Variants in DST observed in about 807,000 individuals in gnomAD.
DST encodes bullous pemphigoid antigen.
In DST, 253 loss-of-function variants were observed where a neutral mutation model predicts 875.2. The ratio of observed to expected loss-of-function variants is 0.29; its 90% CI spans 0.26 to 0.32. DST has a LOEUF of 0.32. Among genes scored for constraint, DST ranks in the 10% least tolerant of loss-of-function variants. The probability of loss-of-function intolerance (pLI) is 1.00; values close to 1 mark genes in which losing one functional copy is unlikely to be tolerated. For missense variants in DST, 8,287 were observed against 9,111.6 expected (o/e 0.91, Z 3.68); for synonymous variants, 3,124 against 3,197.1 (o/e 0.98, Z 0.77).
chr6:56,916,778 TCACACACACACACACA>T (rs70989742), intron 2 of DST, among the ~76,000 whole-genome samples: 8 of 91,344 alleles, frequency 8.8e-5, no homozygotes, highest in Non-Finnish European at 1.4e-4. Flanking sequence ...TCTCTCTCTC[TCACACACACACACACA>T]CACACACACA....
chr6:56,594,192 G>A lies in DST; in HGVS notation c.12197C>T (p.Ala4066Val), dbSNP rs752432178. The A allele has an allele frequency of 1.3e-6, 2 of 1,513,170 alleles. No homozygotes were observed. The highest frequency in any genetic ancestry group is 4.5e-5 in the East Asian group (2 of 44,094). The allele number at this position is 1,513,170 out of a possible 1,614,324, so 93.7% of individuals were successfully genotyped here. ...CTGAGAGATGATCTTCTCGTGTTGG[G>A]CCTATGTGAAAACAAATTGATCATA... ...NLNQQYQKVK[A>V]QHEKIISQHQ... The change falls in exon 48 of 104, where the codon GCC becomes GTC. Residue 4066 changes from alanine to valine, a missense_variant and splice_region_variant. Physicochemically the swap from Ala to Val is moderately conservative, Grantham distance 64. Around this residue, in one of 10 missense-constraint regions of DST, gnomAD observed 1,513 missense variants for 1,677.8 expected, o/e 0.90. Transcript: ENST00000680361.
At chr6:56,766,530 T>C (rs2099633809) in intron 4 of DST, among the ~76,000 whole-genome samples, 1 of 151,992 alleles carries the variant, frequency 6.6e-6, no homozygotes, top group African/African-American at 2.4e-5. Flanking sequence ...GGTATCTTTT[T>C]TTTTTTTTTT....
intron 10 of DST, among the ~76,000 whole-genome samples, chr6:56,662,567 T>C (rs975696456): frequency 2.0e-5 from 3 of 152,204 alleles, no homozygotes; most frequent in Non-Finnish European, 2.9e-5. Context: ...CTTCCTACCG[T>C]GGCTGTGTCA....
At chr6:56,471,944 A>C in intron 94 of DST, 115 bp downstream of exon 94, 1 of 1,031,222 alleles carries the variant, frequency 9.7e-7, no homozygotes, top group South Asian at 1.3e-5. Flanking sequence ...CTCAAATAGC[A>C]AGAGTTTGCT....
chr6:56,758,310 C>T (rs2099609106), intron 4 of DST, among the ~76,000 whole-genome samples: 1 of 152,090 alleles, frequency 6.6e-6, no homozygotes, highest in African/African-American at 2.4e-5. Flanking sequence ...GAATACAGTG[C>T]CTTTTTTTGT....
rs532258101 is a variant in DST at position 56,797,184 on chromosome 6, T to C, written c.625+54213A>G. ...CTTTAAGGTTACTCTTTAAATTCTTTTGGGGCACCACAAGCCACAACCATA... is the reference window on the plus strand; with the variant it reads ...CTTTAAGGTTACTCTTTAAATTCTTCTGGGGCACCACAAGCCACAACCATA... On this transcript the variant is annotated intron_variant, in intron 4 of 103. Transcript: ENST00000680361. Among the ~76,000 whole-genome samples the C allele has an allele frequency of 3.3e-5, 5 of 152,302 alleles. No individual in the cohort carries two copies. The East Asian group carries it at 7.7e-4, about 24-fold the overall frequency.
Position 56,616,348 on chromosome 6 carries a change from T to C in DST, c.4930-1864A>G, listed in dbSNP as rs2098620303. On this transcript the variant is annotated intron_variant, in intron 36 of 103. Transcript: ENST00000680361. ...AAAACATAGCTTCCTTCCACTGATA[T>C]TGCTGCCCTGAAAGTTCAAGATATA... The C allele has an allele frequency of 5.6e-6, 9 of 1,613,756 alleles. No homozygotes were observed. Among genetic ancestry groups the C allele is most frequent in the Admixed American group, 3.3e-5 (2 of 60,016 alleles).
At chr6:56,767,530 T>C (rs546617355) in intron 4 of DST, among the ~76,000 whole-genome samples, 166 of 152,088 alleles carry the variant, frequency 1.1e-3, no homozygotes, top group Non-Finnish European at 2.1e-3. Context: ...GATACGAGAA[T>C]TGCTTGAACC....
intron 9 of DST, among the ~76,000 whole-genome samples, chr6:56,697,490 C>T (rs1418466619): frequency 6.6e-6 from 1 of 152,170 alleles, no homozygotes; most frequent in Non-Finnish European, 1.5e-5. Flanking sequence ...AGCACAGGTC[C>T]TGTCACCGAA....
chr6:56,573,249 G>C (rs770020409), intron 51 of DST, among the ~76,000 whole-genome samples, 185 bp from the exon 52 acceptor site: 2 of 152,198 alleles, frequency 1.3e-5, no homozygotes, highest in Non-Finnish European at 2.9e-5. Flanking sequence ...ATCTCTCTGA[G>C]AGAGTGAAGA....
At chr6:56,487,964 C>A (rs1360502492) in intron 86 of DST, among the ~76,000 whole-genome samples, 1 of 152,140 alleles carries the variant, frequency 6.6e-6, no homozygotes, top group Non-Finnish European at 1.5e-5. Flanking sequence ...AAAATAATCT[C>A]AAGGTTATAA....
rs577309476 is a variant in DST at position 56,552,881 on chromosome 6, G to A, written c.15911C>T (p.Ser5304Phe). 5.6e-6 allele frequency: 9 copies of A among 1,613,942 alleles called. No individual in the cohort carries two copies. Among genetic ancestry groups the A allele is most frequent in the South Asian group, 3.3e-5 (3 of 91,084 alleles). The change falls in exon 61 of 104, where the codon TCC (serine) becomes TTC (phenylalanine). Residue 5304 changes from serine to phenylalanine, a missense_variant. Ser to Phe is a radical substitution (Grantham distance 155, BLOSUM62 -2). This residue lies in a region of DST where 1,513 missense variants were observed against 1,677.8 expected (regional missense o/e 0.90). Coordinates refer to ENST00000680361, the MANE Select transcript of DST (RefSeq NM_001374736.1). ...EQLDIHDSLG[S>F]QAYSNKYLTM... ...CAGGTATTTGTTACTGTAAGCCTGG[G>A]ATCCCAGCGAATCATGGATATCTAG...
chr6:56,881,334 TTGGTG>T, intron 3 of DST, among the ~76,000 whole-genome samples: 1 of 151,546 alleles, frequency 6.6e-6, no homozygotes, highest in Non-Finnish European at 1.5e-5. Flanking sequence ...TTAGCCGGGC[TTGGTG>T]AGACATGCCT....
intron 49 of DST, among the ~76,000 whole-genome samples, chr6:56,579,972 G>A (rs1341261988): frequency 1.3e-5 from 2 of 152,252 alleles, no homozygotes; most frequent in East Asian, 1.9e-4. Context: ...AAGCAGTGAG[G>A]ACTACTGAAG....
chr6:56,866,000 G>GTTTT (rs1773874471), intron 3 of DST, among the ~76,000 whole-genome samples: 1 of 150,608 alleles, frequency 6.6e-6, no homozygotes. Context: ...TTGTTTGTTT[G>GTTTT]TTTTGAGATG....
chr6:56,701,874 T>C lies in DST; in HGVS notation c.954+14A>G, dbSNP rs757568872. ...ATATATTTATATGATTACAGTATTT[T>C]CAAAACATCATACCTGGCGTCTTTT... On this transcript the variant is annotated intron_variant, in intron 8 of 103. Transcript: ENST00000680361. 2 of 1,544,734 alleles carry C rather than the reference T, an allele frequency of 1.3e-6. No individual in the cohort carries two copies. Among genetic ancestry groups the C allele is most frequent in the South Asian group, 1.1e-5 (1 of 88,000 alleles).
At position 56,735,296 on chromosome 6, in the gene DST, G is replaced by A; in HGVS notation, c.626-7C>T. 1 of 1,501,796 alleles carries A rather than the reference G, an allele frequency of 6.7e-7. No individual in the cohort carries two copies. Among genetic ancestry groups the A allele is most frequent in the Non-Finnish European group, 9.1e-7 (1 of 1,103,860 alleles). The allele number at this position is 1,501,796 out of a possible 1,614,324, so 93.0% of individuals were successfully genotyped here. ...TGAACTTTGTCCCGTTCATCTGGAA[G>A]GAAAAAATATATATAAAGATAAGGT... On this transcript the variant is annotated splice_polypyrimidine_tract_variant and splice_region_variant and intron_variant, in intron 4 of 103. Transcript: ENST00000680361.
rs749050292 is a variant in DST at position 56,724,955 on chromosome 6, A to G, written c.687+10273T>C. Among the ~76,000 whole-genome samples the G allele has an allele frequency of 1.3e-5, 2 of 150,978 alleles. 1 individual carries two copies. The highest frequency in any genetic ancestry group is 1.3e-4 in the Admixed American group (2 of 15,266). On this transcript the variant is annotated intron_variant, in intron 5 of 103. Coordinates refer to ENST00000680361, the MANE Select transcript of DST (RefSeq NM_001374736.1). The stretch of plus-strand genomic sequence containing the variant: ...TAAGGGTCTATAGATATAAAGATAT[A>G]TAACAGGCTGTTTTACACACACACA...
At chr6:56,777,998 C>A (rs750418459) in intron 4 of DST, among the ~76,000 whole-genome samples, 6 of 152,054 alleles carry the variant, frequency 3.9e-5, no homozygotes, top group Non-Finnish European at 5.9e-5. Flanking sequence ...CCACTGCCCC[C>A]GGCCTGTAAG....
Sources: gnomAD v4.1 joint callset for allele counts (sites outside exome capture counted in the v4.1 genomes callset) on GRCh38, gnomAD v4.1.1 for gene constraint, gnomAD v4.1.1 regional missense constraint, MANE v1.5 for transcripts, NCBI Gene and HGNC (gene_info 2026-07-23, HGNC 2026-07-21) for gene names.